SDC2: variants seen among roughly 807,000 people sequenced by gnomAD.
SDC2 encodes syndecan 2, also known as syndecan-2.
In SDC2, 13 loss-of-function variants were observed where a neutral mutation model predicts 22.2. The ratio of observed to expected loss-of-function variants is 0.59; its 90% confidence interval spans 0.38 to 0.93. SDC2 has a LOEUF of 0.93. Among genes scored for constraint, SDC2 ranks in the 40% least tolerant of loss-of-function variants. The pLI is 0.00. For missense variants in SDC2, 235 were observed against 246.8 expected, an observed-to-expected ratio of 0.95 and a Z score of 0.32; for synonymous variants, 94 against 92.8, an observed-to-expected ratio of 1.01 and a Z score of -0.07.
At chr8:96,556,858 T>A (rs1374412181) in intron 1 of SDC2, among the ~76,000 whole-genome samples, 1 of 150,892 alleles carries the variant, frequency 6.6e-6, no homozygotes, top group Admixed American at 6.6e-5. Context: ...TGAGAGAAAA[T>A]TTTTGCAACC....
At chr8:96,523,959 T>G (rs370565379) in intron 1 of SDC2, among the ~76,000 whole-genome samples, 27 of 152,332 alleles carry the variant, frequency 1.8e-4, no homozygotes, top group Non-Finnish European at 3.4e-4. Context: ...AATGGTGGTG[T>G]TGTTTTAGGC....
chr8:96,546,308 A>C (rs1263718202), intron 1 of SDC2, among the ~76,000 whole-genome samples: 1 of 152,158 alleles, frequency 6.6e-6, no homozygotes, highest in African/African-American at 2.4e-5. Context: ...TTTTCTGGAG[A>C]GAGGTCCTAG....
chr8:96,609,494 C>G lies in SDC2; in HGVS notation c.552C>G (p.Arg184=). The G allele has an allele frequency of 2.5e-6, 4 of 1,612,834 alleles. No homozygotes were observed. The highest frequency in any genetic ancestry group is 3.4e-6 in the Non-Finnish European group (4 of 1,179,352). The change falls in exon 5 of 5, where the codon CGC becomes CGG. Residue 184 remains arginine, a synonymous_variant. Transcript: ENST00000302190. The stretch of plus-strand genomic sequence containing the variant: ...AAGGAAGCTATGACCTTGGAGAACG[C>G]AAACCATCCAGTGCTGCTTATCAGA... The part of the protein sequence containing the change: ...KDEGSYDLGE[R]KPSSAAYQKA...
intron 1 of SDC2, among the ~76,000 whole-genome samples, chr8:96,555,770 TTTC>T (rs1814098512): frequency 1.3e-5 from 2 of 152,210 alleles, no homozygotes; most frequent in South Asian, 4.1e-4. Flanking sequence ...ACCAATGTAT[TTTC>T]TTCACTCATT....
chr8:96,494,338 G>A lies in SDC2; in HGVS notation c.60+7G>A, dbSNP rs1813013236. On this transcript the variant is annotated splice_region_variant and intron_variant, in intron 1 of 4. Coordinates refer to ENST00000302190, the MANE Select transcript of SDC2 (RefSeq NM_002998.4). The stretch of plus-strand genomic sequence containing the variant: ...CTGCGTGTCGGCGGAGTCGGTGAGT[G>A]GGCCAGGCGGAGGATGCGCGCGCCG... 6.5e-7 allele frequency: 1 copy of A among 1,540,656 alleles called. No homozygotes were observed. The highest frequency in any genetic ancestry group is 8.7e-7 in the Non-Finnish European group (1 of 1,147,814).
chr8:96,509,903 G>A (rs1489401881), intron 1 of SDC2, among the ~76,000 whole-genome samples: 1 of 152,088 alleles, frequency 6.6e-6, no homozygotes, highest in Non-Finnish European at 1.5e-5. Flanking sequence ...TTTCTCCAGT[G>A]TCTTTTCTGC....
intron 1 of SDC2, among the ~76,000 whole-genome samples, chr8:96,495,888 A>T (rs1813066909): frequency 6.6e-6 from 1 of 152,210 alleles, no homozygotes; most frequent in African/African-American, 2.4e-5. Flanking sequence ...CAGCCTTATC[A>T]GTGTTTCCCT....
intron 1 of SDC2, among the ~76,000 whole-genome samples, chr8:96,497,379 G>A (rs1329949797): frequency 4.6e-5 from 7 of 152,134 alleles, no homozygotes; most frequent in Non-Finnish European, 7.4e-5. Flanking sequence ...ATTTAAGAAG[G>A]AAAGATCTTG....
chr8:96,526,002 C>T (rs1276868445), intron 1 of SDC2, among the ~76,000 whole-genome samples: 2 of 152,072 alleles, frequency 1.3e-5, no homozygotes, highest in African/African-American at 4.8e-5. Context: ...TCCCAGAGAC[C>T]TTGAATGGAG....
Position 96,576,384 on chromosome 8 carries a change from G to GTTT in SDC2, c.61-17089_61-17087dup, listed in dbSNP as rs1236267155. 3.7e-4 allele frequency among the ~76,000 whole-genome samples: 19 copies of GTTT among 50,994 alleles called. 1 individual carries two copies. Among genetic ancestry groups the GTTT allele is most frequent in the East Asian group, 7.2e-4 (2 of 2,790 alleles). 33.5% of individuals were successfully genotyped at this position (50,994 alleles called of 152,430 possible). On this transcript the variant is annotated intron_variant, in intron 1 of 4. Coordinates refer to ENST00000302190, the MANE Select transcript of SDC2 (RefSeq NM_002998.4). ...TGGTAGTTTGTTTTTGTTTTGTTTT[G>GTTT]TTTTTTTTTACCAGATTTGCTTTAT...
At position 96,493,960 on chromosome 8, in the gene SDC2, CA is replaced by C; in HGVS notation, c.-308del. The C allele has an allele frequency of 2.4e-6, 1 of 423,746 alleles. No homozygotes were observed. The highest frequency in any genetic ancestry group is 4.2e-6 in the Non-Finnish European group (1 of 240,500). The allele number at this position is 423,746 out of a possible 1,614,324, so 26.2% of individuals were successfully genotyped here. On this transcript the variant is annotated 5_prime_UTR_variant, in exon 1 of 5. Transcript: ENST00000302190. ...CACGGGAAAGGAGTCCGCGGAGGAGCAAAACCACAGCAGAGCAAGAAGAGCT... is the reference window on the plus strand; with the variant it reads ...CACGGGAAAGGAGTCCGCGGAGGAGCAAACCACAGCAGAGCAAGAAGAGCT...
At chr8:96,550,565 C>G (rs1184464718) in intron 1 of SDC2, among the ~76,000 whole-genome samples, 2 of 152,106 alleles carry the variant, frequency 1.3e-5, no homozygotes, top group Non-Finnish European at 2.9e-5. Context: ...GTGCTTGTGA[C>G]ATAGGGAGTT....
At chr8:96,580,524 A>G (rs1038872159) in intron 1 of SDC2, 2 of 985,274 alleles carry the variant, frequency 2.0e-6, no homozygotes, top group Non-Finnish European at 2.4e-6. Context: ...TCTTATACCA[A>G]TTAAATAATA....
intron 1 of SDC2, among the ~76,000 whole-genome samples, chr8:96,520,830 C>A (rs1033134163): frequency 2.6e-5 from 4 of 152,170 alleles, no homozygotes; most frequent in Non-Finnish European, 4.4e-5. Flanking sequence ...CCTTGTGCCC[C>A]TGGGGGAACC....
intron 1 of SDC2, among the ~76,000 whole-genome samples, chr8:96,567,744 TA>T (rs1426471520): frequency 4.6e-5 from 7 of 152,222 alleles, no homozygotes; most frequent in South Asian, 2.1e-4. Context: ...TTGTCATAGA[TA>T]TTTTTTTGCT....
At chr8:96,556,593 C>T (rs1473271393) in intron 1 of SDC2, among the ~76,000 whole-genome samples, 1 of 151,778 alleles carries the variant, frequency 6.6e-6, no homozygotes, top group African/African-American at 2.4e-5. Flanking sequence ...GAAACTGGAT[C>T]CCTTCCTTAC....
chr8:96,569,201 G>T (rs567270528), intron 1 of SDC2, among the ~76,000 whole-genome samples: 1 of 152,282 alleles, frequency 6.6e-6, no homozygotes, highest in South Asian at 2.1e-4. Flanking sequence ...TAGAGACAGG[G>T]TCTCACTACG....
chr8:96,558,724 A>G (rs942502372), intron 1 of SDC2, among the ~76,000 whole-genome samples: 2 of 152,164 alleles, frequency 1.3e-5, no homozygotes, highest in African/African-American at 4.8e-5. Flanking sequence ...TAAGGGTGGG[A>G]AATATTAAAT....
intron 2 of SDC2, among the ~76,000 whole-genome samples, chr8:96,602,088 G>A (rs1455791266): frequency 6.6e-6 from 1 of 152,154 alleles, no homozygotes; most frequent in African/African-American, 2.4e-5. Context: ...AATGGAGCAC[G>A]TTTCAGTGTA....
Sources: allele counts gnomAD v4.1 joint callset (sites outside exome capture counted in the v4.1 genomes callset), GRCh38; gene constraint gnomAD v4.1.1; transcripts MANE v1.5; gene names NCBI Gene and HGNC (gene_info 2026-07-23, HGNC 2026-07-21).